AKAP1: variants seen among roughly 807,000 people sequenced by gnomAD.
The protein encoded by AKAP1 is A-kinase anchor protein 1, mitochondrial.
AKAP1 carries 32 observed loss-of-function variants against 79.8 expected under a neutral mutation model. The ratio of observed to expected loss-of-function variants is 0.40; its 90% confidence interval spans 0.30 to 0.54. The LOEUF is 0.54. Among genes scored for constraint, AKAP1 ranks in the 20% least tolerant of loss-of-function variants. The pLI, the probability that AKAP1 is intolerant of heterozygous loss-of-function variation, is 0.47. For missense variants in AKAP1, 961 were observed against 1,138.9 expected, an observed-to-expected ratio of 0.84 and a Z score of 2.25; for synonymous variants, 416 against 466.7, an observed-to-expected ratio of 0.89 and a Z score of 1.40.
At chr17:57,115,994 C>T in intron 6 of AKAP1, 117 bp from the exon 7 acceptor site, 1 of 1,242,754 alleles carries the variant, frequency 8.0e-7, no homozygotes, top group Non-Finnish European at 1.1e-6. Context: ...CTGTCCCCTG[C>T]ACTGTGGAGG....
At chr17:57,089,293 A>G (rs570267632) in intron 1 of AKAP1, among the ~76,000 whole-genome samples, 14 of 152,186 alleles carry the variant, frequency 9.2e-5, no homozygotes, top group Admixed American at 5.9e-4. Context: ...AAAAAAAACA[A>G]CTCACTGTTC....
rs1915812567 is a variant in AKAP1 at position 57,119,830 on chromosome 17, C to CTTTTTTTTTTTTTTTTTGTTTT, written c.2638-403_2638-402insGTTTTTTTTTTTTTTTTTTTTT. On this transcript the variant is annotated intron_variant, in intron 10 of 10. Coordinates refer to ENST00000337714, the MANE Select transcript of AKAP1 (RefSeq NM_003488.4). ...AAGCCATGTCCCCCACCCTGTTACT[C>CTTTTTTTTTTTTTTTTTGTTTT]TTTTTTTTTTTTTTTTTTTTGAGAC... Among the ~76,000 whole-genome samples the CTTTTTTTTTTTTTTTTTGTTTT allele has an allele frequency of 2.8e-5, 2 of 70,290 alleles. 1 individual carries two copies. Among genetic ancestry groups the CTTTTTTTTTTTTTTTTTGTTTT allele is most frequent in the Non-Finnish European group, 5.0e-5 (2 of 39,770 alleles). 46.1% of individuals were successfully genotyped at this position (70,290 alleles called of 152,430 possible). A position where few individuals can be genotyped will look rare whatever the true frequency, so the allele number is the denominator to read the frequency against.
At position 57,120,644 on chromosome 17, in the gene AKAP1, C is replaced by G. The variant is rs1422723678; in HGVS notation, c.*320C>G. The stretch of plus-strand genomic sequence containing the variant: ...ATTCCCCCTGTTCCATTCCCCTCTT[C>G]TTCCTTCTATCTCCTTCCCCGGCAA... On this transcript the variant is annotated 3_prime_UTR_variant, in exon 11 of 11. Coordinates refer to ENST00000337714, the MANE Select transcript of AKAP1 (RefSeq NM_003488.4). The G allele has an allele frequency of 4.6e-6, 1 of 218,966 alleles. No individual in the cohort carries two copies. 13.6% of individuals were successfully genotyped at this position (218,966 alleles called of 1,614,324 possible). A position where few individuals can be genotyped will look rare whatever the true frequency, so the allele number is the denominator to read the frequency against.
chr17:57,110,830 A>T (rs959006784), intron 3 of AKAP1, among the ~76,000 whole-genome samples: 2 of 152,254 alleles, frequency 1.3e-5, no homozygotes, highest in African/African-American at 4.8e-5. Flanking sequence ...CCCATTCCTG[A>T]GTGCTTAAGT....
intron 1 of AKAP1, chr17:57,093,774 C>T (rs1234351747): frequency 1.3e-5 from 2 of 150,950 alleles, no homozygotes; most frequent in Non-Finnish European, 2.9e-5. Flanking sequence ...TGCCCCCCAC[C>T]CCCATTACTT....
intron 2 of AKAP1, among the ~76,000 whole-genome samples, chr17:57,107,573 G>A (rs1268326432): frequency 6.6e-6 from 1 of 152,178 alleles, no homozygotes; most frequent in Non-Finnish European, 1.5e-5. Context: ...CTGGGCTCAA[G>A]TGATCCTTCC....
intron 2 of AKAP1, among the ~76,000 whole-genome samples, chr17:57,107,740 A>G (rs982320261): frequency 6.6e-6 from 1 of 151,710 alleles, no homozygotes; most frequent in Non-Finnish European, 1.5e-5. Flanking sequence ...AGTGCCAGGT[A>G]TGGGTGTGAG....
At chr17:57,099,733 G>A (rs550605010) in intron 1 of AKAP1, among the ~76,000 whole-genome samples, 6 of 152,244 alleles carry the variant, frequency 3.9e-5, no homozygotes, top group African/African-American at 1.4e-4. Flanking sequence ...CAGAGCAGCA[G>A]GCAGAGATGG....
Position 57,106,837 on chromosome 17 carries a change from A to T in AKAP1, c.1373A>T (p.His458Leu). ...AGTAAGCCAAATATCTCTGCACACC[A>T]CATCTCCCTGGCCTCCTGCCTGGCA... ...KDSKPNISAH[H>L]ISLASCLALT... The change falls in exon 2 of 11, where the codon CAC becomes CTC. Residue 458 changes from histidine (H) to leucine (L), a missense_variant. His to Leu is a moderately conservative substitution (Grantham distance 99). This residue lies in a region of AKAP1 where 629 missense variants were observed against 781.1 expected (regional missense o/e 0.81). Coordinates refer to ENST00000337714, the MANE Select transcript of AKAP1 (RefSeq NM_003488.4). 1 of 1,614,120 alleles carries T rather than the reference A, an allele frequency of 6.2e-7. No homozygotes were observed. The highest frequency in any genetic ancestry group is 8.5e-7 in the Non-Finnish European group (1 of 1,180,018).
intron 8 of AKAP1, 33 bp downstream of exon 8, chr17:57,116,960 T>C: frequency 1.3e-6 from 2 of 1,596,898 alleles, no homozygotes; most frequent in Non-Finnish European, 1.7e-6. Context: ...TGGGGGATTG[T>C]TGGGGACAGT....
chr17:57,114,156 C>T (rs868355269), intron 5 of AKAP1, among the ~76,000 whole-genome samples: 21 of 152,176 alleles, frequency 1.4e-4, no homozygotes, highest in African/African-American at 4.6e-4. Context: ...GTGCAAGGCC[C>T]AGCACTACCT....
intron 2 of AKAP1, 57 bp downstream of exon 2, chr17:57,107,235 A>C: frequency 6.5e-7 from 1 of 1,530,782 alleles, no homozygotes; most frequent in Non-Finnish European, 8.8e-7. Context: ...TTCTTGGAGA[A>C]AGGCTGCCAG....
At chr17:57,091,915 A>G (rs1422849740) in intron 1 of AKAP1, among the ~76,000 whole-genome samples, 1 of 151,430 alleles carries the variant, frequency 6.6e-6, no homozygotes, top group Non-Finnish European at 1.5e-5. Flanking sequence ...CCATTTCAAG[A>G]CTCCTAGGCT....
rs1914882539 is a variant in AKAP1 at position 57,106,528 on chromosome 17, T to A, written c.1064T>A (p.Val355Glu). The change falls in exon 2 of 11, where the codon GTG (valine) becomes GAG (glutamate). Residue 355 changes from valine (V) to glutamate (E), a missense_variant. Transcript: ENST00000337714. ...KRAAFQIISQVISEATEQVLA... is the reference protein window; with the variant it reads ...KRAAFQIISQEISEATEQVLA... ...GCTGCCTTCCAGATAATCTCCCAAG[T>A]GATCTCAGAAGCAACCGAACAGGTG... 1.1e-5 allele frequency: 17 copies of A among 1,614,114 alleles called. No individual in the cohort carries two copies. Among genetic ancestry groups the A allele is most frequent in the Non-Finnish European group, 1.4e-5 (16 of 1,180,030 alleles).
At position 57,114,439 on chromosome 17, in the gene AKAP1, C is replaced by G; in HGVS notation, c.2104-20C>G. 6.2e-7 allele frequency: 1 copy of G among 1,611,328 alleles called. No homozygotes were observed. Among genetic ancestry groups the G allele is most frequent in the Non-Finnish European group, 8.5e-7 (1 of 1,178,444 alleles). On this transcript the variant is annotated intron_variant, in intron 5 of 10. Transcript: ENST00000337714. ...ATAAGAAGGATTGTTTCAGTGACCG[C>G]TCCCCCTTCCCCTCTACAGCTCATG...
At chr17:57,097,467 C>T (rs59501323) in intron 1 of AKAP1, among the ~76,000 whole-genome samples, 5,119 of 152,302 alleles carry the variant, frequency 0.034, 229 homozygotes, top group African/African-American at 0.098. Flanking sequence ...AGCCAAGAGG[C>T]GCTTTTGGAA....
rs73317570 is a variant in AKAP1, at chr17:57,114,378, C to G, written c.2104-81C>G. 4.2e-4 allele frequency: 645 copies of G among 1,536,844 alleles called. No individual in the cohort carries two copies. The African/African-American group carries it at 7.1e-3, about 17-fold the overall frequency. On this transcript the variant is annotated intron_variant, in intron 5 of 10. Transcript: ENST00000337714. Reference sequence around the variant, plus strand: ...TTTCAAAGATATGCTAGCCCAGAGACTTGCCCTTGGGTCTCGGGACTTATT... The same window carrying G: ...TTTCAAAGATATGCTAGCCCAGAGAGTTGCCCTTGGGTCTCGGGACTTATT...
chr17:57,115,295 GC>G (rs1915511802), intron 6 of AKAP1, among the ~76,000 whole-genome samples: 1 of 152,208 alleles, frequency 6.6e-6, no homozygotes, highest in African/African-American at 2.4e-5. Flanking sequence ...GATCTCTGTA[GC>G]CTTTTGTGTG....
chr17:57,113,966 G>A (rs1915417680), intron 5 of AKAP1, among the ~76,000 whole-genome samples: 1 of 152,140 alleles, frequency 6.6e-6, no homozygotes, highest in Non-Finnish European at 1.5e-5. Context: ...ATAGGCTCCT[G>A]GGGTTGTCTG....
Sources: allele counts gnomAD v4.1 joint callset (sites outside exome capture counted in the v4.1 genomes callset), GRCh38; gene constraint gnomAD v4.1.1; regional missense constraint gnomAD v4.1.1; transcripts MANE v1.5; gene names NCBI Gene and HGNC (gene_info 2026-07-23, HGNC 2026-07-21).